The following RBFOX1 variants were observed in gnomAD, a reference collection of about 807,000 sequenced individuals.
RBFOX1 encodes the protein RNA binding protein fox-1 homolog 1.
RBFOX1 carries 8 observed loss-of-function variants against 57.7 expected under a neutral mutation model. That is an observed-to-expected ratio of 0.14 (90% CI 0.08 to 0.25). RBFOX1 has a LOEUF of 0.25. Ranked by LOEUF, RBFOX1 falls within the 10% of genes least tolerant of loss-of-function variation. The probability of loss-of-function intolerance (pLI) is 1.00; values close to 1 mark genes in which losing one functional copy is unlikely to be tolerated. For missense variants in RBFOX1, 611 were observed against 548.5 expected (o/e 1.11, Z -1.14); for synonymous variants, 326 against 222.4 (o/e 1.47, Z -4.15).
chr16:7,441,832 C>T (rs2149904957), intron 4 of RBFOX1, among the ~76,000 whole-genome samples: 1 of 152,294 alleles, frequency 6.6e-6, no homozygotes, highest in South Asian at 2.1e-4. Flanking sequence ...CTTCGCCCAG[C>T]CTGCTTCACG....
chr16:7,607,201 AC>A, intron 9 of RBFOX1, 83 bp from the exon 10 acceptor site: 3 of 1,266,978 alleles, frequency 2.4e-6, no homozygotes, highest in Non-Finnish European at 3.4e-6. Flanking sequence ...AGATACTTTA[AC>A]CCATTTGATT....
At chr16:6,263,611 C>A (rs1008576226) in intron 1 of RBFOX1, among the ~76,000 whole-genome samples, 1 of 152,136 alleles carries the variant, frequency 6.6e-6, no homozygotes, top group Non-Finnish European at 1.5e-5. Flanking sequence ...CCCTTCCTGT[C>A]TCTCTCTCTC....
At chr16:6,261,381 C>G (rs8045543) in intron 1 of RBFOX1, among the ~76,000 whole-genome samples, 147,534 of 152,310 alleles carry the variant, frequency 0.97, 71,644 homozygotes, top group East Asian at 1. Flanking sequence ...CAAAATAGTA[C>G]GTCAAAGCAA....
At chr16:5,564,287 G>C (rs139773814) in intron 2 of RBFOX1, among the ~76,000 whole-genome samples, 32 of 152,034 alleles carry the variant, frequency 2.1e-4, no homozygotes, top group Admixed American at 2.1e-3. Flanking sequence ...TAAAGTGCTG[G>C]GATTACAGGC....
At chr16:5,632,050 C>T (rs909900331) in intron 3 of RBFOX1, among the ~76,000 whole-genome samples, 1 of 152,196 alleles carries the variant, frequency 6.6e-6, no homozygotes, top group Non-Finnish European at 1.5e-5. Context: ...TCCAGTCCTA[C>T]TTAAGCTAGG....
At chr16:7,574,667 C>T (rs1334636861) in intron 5 of RBFOX1, among the ~76,000 whole-genome samples, 5 of 152,118 alleles carry the variant, frequency 3.3e-5, no homozygotes. Flanking sequence ...ATGGGGCCCA[C>T]CCAGATTGAG....
intron 3 of RBFOX1, among the ~76,000 whole-genome samples, chr16:6,927,671 C>T (rs2075843541): frequency 6.6e-6 from 1 of 151,966 alleles, no homozygotes; most frequent in Admixed American, 6.6e-5. Context: ...GTCAGCATCA[C>T]CTGCTGCCCT....
rs140181385 is a variant in RBFOX1 at position 7,628,151 on chromosome 16, T to C, written c.677-2452T>C. Among the ~76,000 whole-genome samples the C allele has an allele frequency of 3.9e-5, 6 of 152,284 alleles. No homozygotes were observed. In the East Asian group the frequency reaches 1.2e-3, roughly 29 times the overall value. On this transcript the variant is annotated intron_variant, in intron 10 of 15. Coordinates refer to ENST00000550418, the MANE Select transcript of RBFOX1 (RefSeq NM_018723.4). ...TACTGAAATGTCCTTCTGTGTATGT[T>C]TGTGTTACAGTTATACATTTTTCTT...
intron 3 of RBFOX1, among the ~76,000 whole-genome samples, chr16:6,957,037 A>G (rs375150966): frequency 1.8e-3 from 268 of 151,454 alleles, no homozygotes; most frequent in Middle Eastern, 0.014. Flanking sequence ...AAGAATAGGC[A>G]TATTCCATCG....
At chr16:6,722,291 C>A (rs2066164520) in intron 3 of RBFOX1, among the ~76,000 whole-genome samples, 1 of 151,526 alleles carries the variant, frequency 6.6e-6, no homozygotes, top group African/African-American at 2.4e-5. Context: ...TCCACTTCTC[C>A]ACAGCCTCGC....
intron 4 of RBFOX1, among the ~76,000 whole-genome samples, chr16:7,092,533 T>C (rs1278456513): frequency 2.6e-5 from 4 of 152,232 alleles, no homozygotes; most frequent in African/African-American, 4.8e-5. Context: ...CCAGAACTTA[T>C]TTAACCAATT....
chr16:5,580,333 T>G (rs902805195), intron 2 of RBFOX1, among the ~76,000 whole-genome samples: 1 of 152,194 alleles, frequency 6.6e-6, no homozygotes, highest in African/African-American at 2.4e-5. Flanking sequence ...TGATTGGTAA[T>G]TGAGCTTGTG....
intron 4 of RBFOX1, among the ~76,000 whole-genome samples, chr16:7,189,271 A>C (rs896767787): frequency 6.6e-6 from 1 of 151,552 alleles, no homozygotes; most frequent in Non-Finnish European, 1.5e-5. Context: ...TAAAAATACA[A>C]AAAAATTAGC....
intron 2 of RBFOX1, among the ~76,000 whole-genome samples, chr16:6,633,535 C>T (rs988236999): frequency 6.6e-5 from 10 of 152,198 alleles, no homozygotes; most frequent in African/African-American, 2.4e-4. Context: ...CTCAAGTGAT[C>T]CCCCCACCTG....
At chr16:7,081,558 A>G (rs1266680458) in intron 4 of RBFOX1, among the ~76,000 whole-genome samples, 1 of 152,206 alleles carries the variant, frequency 6.6e-6, no homozygotes, top group Non-Finnish European at 1.5e-5. Flanking sequence ...GGGAGTTTTT[A>G]TATGGAGGAC....
rs528591899 is a variant in RBFOX1 at position 7,353,762 on chromosome 16, A to G, written c.28-164385A>G. ...TGAAATGTTCAGCATAAGCAAACCT[A>G]TAGTAGCTTAAAGTAGATTAATGAT... On this transcript the variant is annotated intron_variant, in intron 4 of 15. Transcript: ENST00000550418. Among the ~76,000 whole-genome samples, 248 of 152,320 alleles carry G rather than the reference A, an allele frequency of 1.6e-3. 1 individual carries two copies. The highest frequency in any genetic ancestry group is 8.7e-3 in the South Asian group (42 of 4,826).
At chr16:7,562,937 A>C (rs1304783247) in intron 5 of RBFOX1, among the ~76,000 whole-genome samples, 1 of 152,220 alleles carries the variant, frequency 6.6e-6, no homozygotes, top group Admixed American at 6.5e-5. Flanking sequence ...TTAACAACCA[A>C]GTGCCCCGAG....
At chr16:5,932,970 C>A (rs187088011) in intron 4 of RBFOX1, among the ~76,000 whole-genome samples, 3 of 152,200 alleles carry the variant, frequency 2.0e-5, no homozygotes, top group South Asian at 4.2e-4. Context: ...CTTTAAAAAG[C>A]GACACAATAT....
At chr16:7,624,141 A>C (rs749687096) in intron 10 of RBFOX1, among the ~76,000 whole-genome samples, 4 of 152,208 alleles carry the variant, frequency 2.6e-5, no homozygotes, top group African/African-American at 4.8e-5. Flanking sequence ...GTAAAGGAGG[A>C]CTAATGGCAT....
Sources: allele counts gnomAD v4.1 joint callset (sites outside exome capture counted in the v4.1 genomes callset), GRCh38; gene constraint gnomAD v4.1.1; transcripts MANE v1.5; gene names NCBI Gene and HGNC (gene_info 2026-07-23, HGNC 2026-07-21).